The following NT5DC1 variants were observed in gnomAD, a reference collection of about 807,000 sequenced individuals.
The protein encoded by NT5DC1 is 5'-nucleotidase domain containing 1, also known as 5'-nucleotidase domain-containing protein 1.
Under a neutral mutation model 59.4 loss-of-function variants are expected in NT5DC1, and 42 were observed. The observed-to-expected ratio is 0.71, with a 90% CI of 0.55 to 0.92. NT5DC1 has a LOEUF of 0.92. Among genes scored for constraint, NT5DC1 ranks in the 40% least tolerant of loss-of-function variants. The pLI is 0.00. For synonymous variants in NT5DC1, 172 were observed against 188.1 expected (o/e 0.91, Z 0.70); for missense variants, 501 against 537.1 (o/e 0.93, Z 0.66).
At chr6:116,153,922 G>T (rs1392428853) in intron 6 of NT5DC1, among the ~76,000 whole-genome samples, 1 of 151,860 alleles carries the variant, frequency 6.6e-6, no homozygotes, top group East Asian at 1.9e-4. Flanking sequence ...CGTGCCAAAA[G>T]ATTTTTCAAG....
intron 6 of NT5DC1, among the ~76,000 whole-genome samples, chr6:116,207,538 A>G (rs187388317): frequency 7.2e-5 from 11 of 152,032 alleles, no homozygotes; most frequent in Non-Finnish European, 1.5e-5. Flanking sequence ...TTTATGTTTG[A>G]AAAGTATATA....
intron 6 of NT5DC1, among the ~76,000 whole-genome samples, chr6:116,123,483 T>C (rs1779199213): frequency 6.6e-6 from 1 of 152,252 alleles, no homozygotes; most frequent in Admixed American, 6.5e-5. Context: ...GAAATCGTGA[T>C]TGGTTGTGTC....
At chr6:116,241,775 T>C (rs576999526) in intron 11 of NT5DC1, among the ~76,000 whole-genome samples, 6 of 150,930 alleles carry the variant, frequency 4.0e-5, no homozygotes, top group African/African-American at 1.5e-4. Context: ...TACAAAAAAT[T>C]AGCCAGGCGT....
chr6:116,120,535 C>T (rs775553455), intron 6 of NT5DC1: 3 of 1,613,836 alleles, frequency 1.9e-6, no homozygotes, highest in Non-Finnish European at 2.5e-6. Flanking sequence ...TTTGGCCTGC[C>T]TTTATAAAAC....
At chr6:116,228,988 C>T (rs1287760268) in intron 8 of NT5DC1, among the ~76,000 whole-genome samples, 2 of 152,148 alleles carry the variant, frequency 1.3e-5, no homozygotes, top group Non-Finnish European at 2.9e-5. Context: ...TTTCTCTGAC[C>T]TTCAGAAGCC....
At chr6:116,108,480 A>G (rs756664189) in intron 3 of NT5DC1, 45 bp downstream of exon 3, 2 of 1,048,280 alleles carry the variant, frequency 1.9e-6, no homozygotes, top group African/African-American at 1.6e-5. Context: ...CTTCTCTGAG[A>G]CACTTTATTA....
intron 6 of NT5DC1, among the ~76,000 whole-genome samples, chr6:116,140,739 A>T (rs1779744562): frequency 6.6e-6 from 1 of 152,126 alleles, no homozygotes; most frequent in South Asian, 2.1e-4. Context: ...ATTACACTGT[A>T]TGTATCTGCT....
chr6:116,156,659 G>A (rs1487277737), intron 6 of NT5DC1, among the ~76,000 whole-genome samples: 2 of 152,168 alleles, frequency 1.3e-5, no homozygotes, highest in East Asian at 3.9e-4. Flanking sequence ...AGAGATAGGG[G>A]AGAGAAGTCA....
chr6:116,244,445 C>A lies in NT5DC1; in HGVS notation c.*421C>A, dbSNP rs974910610. 1.3e-5 allele frequency: 2 copies of A among 152,990 alleles called. No individual in the cohort carries two copies. Among genetic ancestry groups the A allele is most frequent in the Admixed American group, 1.3e-4 (2 of 15,382 alleles). 9.5% of individuals were successfully genotyped at this position (152,990 alleles called of 1,614,324 possible). On this transcript the variant is annotated 3_prime_UTR_variant, in exon 12 of 12. Coordinates refer to ENST00000319550, the MANE Select transcript of NT5DC1 (RefSeq NM_152729.3). ...CAGAAGCTCTGAGAGTAAGGCCTAC[C>A]AATCTGGTTTAACAAGCCCGTCAGG...
In NT5DC1 at chr6:116,246,988, TATTAA is replaced by T. The variant is rs1771861174; in HGVS notation, c.*2968_*2972del. ...AGCAACCATATGAGATGTATATAAT[TATTAA>T]ATTGTACAGATGGGAAAATTGAAAT... On this transcript the variant is annotated 3_prime_UTR_variant, in exon 12 of 12. Transcript: ENST00000319550. 6.6e-6 allele frequency: 1 copy of T among 152,198 alleles called. No individual in the cohort carries two copies. Among genetic ancestry groups the T allele is most frequent in the African/African-American group, 2.4e-5 (1 of 41,452 alleles). 9.4% of individuals were successfully genotyped at this position (152,198 alleles called of 1,614,324 possible).
At chr6:116,121,730 A>G (rs1256385520) in intron 6 of NT5DC1, 15 of 1,613,534 alleles carry the variant, frequency 9.3e-6, no homozygotes, top group Admixed American at 3.3e-5. Flanking sequence ...AGCTGGTCCA[A>G]CATCTCCTTT....
rs1159716749 is a variant in NT5DC1, at chr6:116,245,456, A to G, written c.*1432A>G. ...ACTGTGGGATGAGTATCTCAGGGTAAGTAACAAAAAAACAAACAAAAAAAA... is the reference window on the plus strand; with the variant it reads ...ACTGTGGGATGAGTATCTCAGGGTAGGTAACAAAAAAACAAACAAAAAAAA... On this transcript the variant is annotated 3_prime_UTR_variant, in exon 12 of 12. Coordinates refer to ENST00000319550, the MANE Select transcript of NT5DC1 (RefSeq NM_152729.3). 1 of 152,136 alleles carries G rather than the reference A, an allele frequency of 6.6e-6. No individual in the cohort carries two copies. Among genetic ancestry groups the G allele is most frequent in the African/African-American group, 2.4e-5 (1 of 41,438 alleles). The allele number at this position is 152,136 out of a possible 1,614,324, so 9.4% of individuals were successfully genotyped here.
At chr6:116,226,304 A>G (rs955755574) in intron 8 of NT5DC1, among the ~76,000 whole-genome samples, 3 of 152,112 alleles carry the variant, frequency 2.0e-5, no homozygotes, top group Non-Finnish European at 4.4e-5. Flanking sequence ...AAGAAAATCT[A>G]TACCCCTTTT....
chr6:116,166,759 G>C (rs1008883908), intron 6 of NT5DC1, among the ~76,000 whole-genome samples: 9 of 152,064 alleles, frequency 5.9e-5, no homozygotes, highest in African/African-American at 1.9e-4. Flanking sequence ...CTTTTATCTA[G>C]TAGTTACTTA....
chr6:116,171,618 G>A (rs1043660779), intron 6 of NT5DC1, among the ~76,000 whole-genome samples: 7 of 152,290 alleles, frequency 4.6e-5, no homozygotes, highest in Admixed American at 3.3e-4. Flanking sequence ...GGAAGACAGT[G>A]TATTCTATAT....
Position 116,248,829 on chromosome 6 carries a change from A to T in NT5DC1, c.*4805A>T, listed in dbSNP as rs1771893300. On this transcript the variant is annotated 3_prime_UTR_variant, in exon 12 of 12. Transcript: ENST00000319550. Reference sequence around the variant, plus strand: ...GAAATGGAGCAGGGCTATAGCAGTGAACCAATTGGTTGGTAAGTGAAACCT... The same window carrying T: ...GAAATGGAGCAGGGCTATAGCAGTGTACCAATTGGTTGGTAAGTGAAACCT... 6.6e-6 allele frequency: 1 copy of T among 152,268 alleles called. No homozygotes were observed. Among genetic ancestry groups the T allele is most frequent in the Non-Finnish European group, 1.5e-5 (1 of 68,060 alleles). 9.4% of individuals were successfully genotyped at this position (152,268 alleles called of 1,614,324 possible). A position where few individuals can be genotyped will look rare whatever the true frequency, so the allele number is the denominator to read the frequency against.
At chr6:116,111,156 C>G (rs1488426247) in intron 4 of NT5DC1, among the ~76,000 whole-genome samples, 200 bp downstream of exon 4, 1 of 152,190 alleles carries the variant, frequency 6.6e-6, no homozygotes, top group Non-Finnish European at 1.5e-5. Flanking sequence ...AAATACTGTT[C>G]ACAGAAGATT....
rs1385997132 is a variant in NT5DC1, at chr6:116,101,006, C to G, written c.76C>G (p.Leu26Val). The G allele has an allele frequency of 6.2e-7, 1 of 1,600,302 alleles. No homozygotes were observed. Among genetic ancestry groups the G allele is most frequent in the South Asian group, 1.1e-5 (1 of 89,616 alleles). ...GGACCACACTCTGTGTCGCTACAACCTGCCCGAGAGCGCCCCGGTGAGTGG... is the reference window on the plus strand; with the variant it reads ...GGACCACACTCTGTGTCGCTACAACGTGCCCGAGAGCGCCCCGGTGAGTGG... ...DLDHTLCRYN[L>V]PESAPLIYNS... Residue 26 changes from leucine (L) to valine (V), a missense_variant, in exon 1 of 12, where the codon CTG (leucine) becomes GTG (valine). Physicochemically the swap from Leu to Val is conservative, Grantham distance 32. Coordinates refer to ENST00000319550, the MANE Select transcript of NT5DC1 (RefSeq NM_152729.3).
chr6:116,176,872 C>G (rs1380121219), intron 6 of NT5DC1, among the ~76,000 whole-genome samples: 1 of 152,170 alleles, frequency 6.6e-6, no homozygotes, highest in African/African-American at 2.4e-5. Flanking sequence ...GTGATCTTCT[C>G]ACTTCTCCAA....
Sources: gnomAD v4.1 joint callset for allele counts (sites outside exome capture counted in the v4.1 genomes callset) on GRCh38, gnomAD v4.1.1 for gene constraint, MANE v1.5 for transcripts, NCBI Gene and HGNC (gene_info 2026-07-23, HGNC 2026-07-21) for gene names.